Variants in AK5 observed in about 807,000 individuals in gnomAD.
AK5 encodes adenylate kinase 5, also known as adenylate kinase isoenzyme 5.
In AK5, 27 loss-of-function variants were observed where a neutral mutation model predicts 69.5. The observed-to-expected ratio is 0.39, with a 90% CI of 0.29 to 0.54. The LOEUF is 0.54. Among genes scored for constraint, AK5 ranks in the 20% least tolerant of loss-of-function variants. The probability of loss-of-function intolerance (pLI) is 0.71; values close to 1 mark genes in which losing one functional copy is unlikely to be tolerated. For synonymous variants in AK5, 260 were observed against 244.4 expected (o/e 1.06, Z -0.60); for missense variants, 531 against 700.4 (o/e 0.76, Z 2.73).
At chr1:77,501,649 T>C (rs561843063) in intron 10 of AK5, among the ~76,000 whole-genome samples, 5 of 152,370 alleles carry the variant, frequency 3.3e-5, no homozygotes, top group African/African-American at 1.2e-4. Context: ...CAGTTCATCA[T>C]TGAGCGAAAT....
chr1:77,416,879 G>A (rs917660996), intron 7 of AK5, among the ~76,000 whole-genome samples: 8 of 152,080 alleles, frequency 5.3e-5, no homozygotes, highest in Non-Finnish European at 4.4e-5. Flanking sequence ...CAGTCTTTCT[G>A]GGTAGTTAGA....
rs1647017983 is a variant in AK5 at position 77,367,845 on chromosome 1, A to ATATATAACATATG, written c.891+27278_891+27279insATATAACATATGT. On this transcript the variant is annotated intron_variant, in intron 6 of 13. Coordinates refer to ENST00000354567, the MANE Select transcript of AK5 (RefSeq NM_174858.3). ...ATTATATATAATATATGTTATATATATTATATATAATATATAATATATGTG... is the reference window on the plus strand; with the variant it reads ...ATTATATATAATATATGTTATATATATATATAACATATGTTATATATAATATATAATATATGTG... Among the ~76,000 whole-genome samples the ATATATAACATATG allele has an allele frequency of 1.2e-3, 2 of 1,716 alleles. 1 individual carries two copies. The highest frequency in any genetic ancestry group is 3.2e-3 in the African/African-American group (2 of 620). 1.1% of individuals were successfully genotyped at this position (1,716 alleles called of 152,430 possible). A position where few individuals can be genotyped will look rare whatever the true frequency, so the allele number is the denominator to read the frequency against.
chr1:77,307,942 G>A (rs935176784), intron 5 of AK5, among the ~76,000 whole-genome samples: 1 of 152,108 alleles, frequency 6.6e-6, no homozygotes, highest in Non-Finnish European at 1.5e-5. Context: ...CGTCAACTTG[G>A]TGTCTTTACA....
At chr1:77,505,198 T>C (rs1338888775) in intron 10 of AK5, among the ~76,000 whole-genome samples, 1 of 152,236 alleles carries the variant, frequency 6.6e-6, no homozygotes, top group African/African-American at 2.4e-5. Flanking sequence ...AATGTCTCAC[T>C]TCCCTTTACT....
chr1:77,428,946 G>A (rs1480865431), intron 8 of AK5, among the ~76,000 whole-genome samples: 1 of 152,148 alleles, frequency 6.6e-6, no homozygotes, highest in Non-Finnish European at 1.5e-5. Context: ...TCATTTTTAT[G>A]GCTGCATAGT....
In AK5 at chr1:77,558,603, T is replaced by C. The variant is rs758299862; in HGVS notation, c.1622T>C (p.Ile541Thr). The C allele has an allele frequency of 1.3e-6, 2 of 1,580,360 alleles. No homozygotes were observed. Among genetic ancestry groups the C allele is most frequent in the Non-Finnish European group, 8.7e-7 (1 of 1,150,124 alleles). Residue 541 changes from isoleucine to threonine, a missense_variant and splice_region_variant, in exon 14 of 14, where the codon ATA becomes ACA. By Grantham distance (89) the Ile-to-Thr change is moderately conservative. Transcript: ENST00000354567. ...CTCTTTTTTTCCTTTTAAATATAGATAAATGCAGAGGGAACACCAGAGGAC... is the reference window on the plus strand; with the variant it reads ...CTCTTTTTTTCCTTTTAAATATAGACAAATGCAGAGGGAACACCAGAGGAC... Reference protein sequence around the residue: ...YYETKTQLHKINAEGTPEDVF... With the variant: ...YYETKTQLHKTNAEGTPEDVF...
In AK5 at chr1:77,437,207, T is replaced by C. The variant is rs1216978014; in HGVS notation, c.1059+19492T>C. On this transcript the variant is annotated intron_variant, in intron 8 of 13. Transcript: ENST00000354567. ...TCAGGTGAACTTAAAAACTTTGAGG[T>C]GGCTATTATGTTTTTGATAACATAC... is the stretch of plus-strand genomic sequence containing the variant. 2.6e-5 allele frequency among the ~76,000 whole-genome samples: 4 copies of C among 152,138 alleles called. No homozygotes were observed. The East Asian group carries it at 5.8e-4, about 22-fold the overall frequency.
chr1:77,339,680 C>CT (rs1270066243), intron 5 of AK5, among the ~76,000 whole-genome samples: 1 of 136,322 alleles, frequency 7.3e-6, no homozygotes, highest in Admixed American at 8.0e-5. Flanking sequence ...GAGTCTTGCT[C>CT]TGTCACCCAG....
At chr1:77,479,290 C>T (rs916880016) in intron 8 of AK5, among the ~76,000 whole-genome samples, 10 of 150,984 alleles carry the variant, frequency 6.6e-5, no homozygotes, top group Admixed American at 3.3e-4. Flanking sequence ...CTGCAACCTC[C>T]GCCTCCCAGG....
At chr1:77,484,794 G>T (rs1655485381) in intron 9 of AK5, among the ~76,000 whole-genome samples, 1 of 152,044 alleles carries the variant, frequency 6.6e-6, no homozygotes, top group Non-Finnish European at 1.5e-5. Flanking sequence ...TTACATAGTT[G>T]AGAATGCATG....
At chr1:77,420,564 G>A (rs1426857866) in intron 8 of AK5, among the ~76,000 whole-genome samples, 1 of 152,182 alleles carries the variant, frequency 6.6e-6, no homozygotes, top group Admixed American at 6.5e-5. Context: ...AATAACTCAA[G>A]AAGTAAGCTC....
chr1:77,341,144 A>T (rs1218293684), intron 6 of AK5, among the ~76,000 whole-genome samples: 3 of 152,200 alleles, frequency 2.0e-5, no homozygotes, highest in Non-Finnish European at 4.4e-5. Flanking sequence ...CTAAATTTTT[A>T]GTTTGTTTTA....
chr1:77,499,595 C>A (rs1656577520), intron 10 of AK5, among the ~76,000 whole-genome samples: 1 of 152,060 alleles, frequency 6.6e-6, no homozygotes, highest in South Asian at 2.1e-4. Flanking sequence ...GAGCCACAAG[C>A]AGAACACCCT....
intron 10 of AK5, among the ~76,000 whole-genome samples, chr1:77,499,435 C>G (rs570641581): frequency 6.6e-6 from 1 of 152,304 alleles, no homozygotes; most frequent in Admixed American, 6.5e-5. Flanking sequence ...ATCCCTTCAA[C>G]TAGGAAGTGG....
intron 6 of AK5, among the ~76,000 whole-genome samples, chr1:77,378,611 G>A (rs1570469954): frequency 1.3e-5 from 2 of 152,290 alleles, no homozygotes; most frequent in South Asian, 2.1e-4. Context: ...ATAAGCCATC[G>A]CACCAGGCCA....
chr1:77,354,455 T>A (rs1466405651), intron 6 of AK5, among the ~76,000 whole-genome samples: 1 of 152,212 alleles, frequency 6.6e-6, no homozygotes, highest in East Asian at 1.9e-4. Context: ...TGTGTGTAAG[T>A]TGTAATGTGA....
At chr1:77,421,397 G>A (rs1650801944) in intron 8 of AK5, among the ~76,000 whole-genome samples, 1 of 152,158 alleles carries the variant, frequency 6.6e-6, no homozygotes, top group Non-Finnish European at 1.5e-5. Context: ...TGACTCCAGA[G>A]CCAGGCGCAG....
chr1:77,429,481 C>G lies in AK5; in HGVS notation c.1059+11766C>G, dbSNP rs143339616. Among the ~76,000 whole-genome samples the G allele has an allele frequency of 4.6e-3, 698 of 152,222 alleles. 5 individuals carry two copies. Among genetic ancestry groups the G allele is most frequent in the African/African-American group, 0.016 (663 of 41,526 alleles). On this transcript the variant is annotated intron_variant, in intron 8 of 13. Coordinates refer to ENST00000354567, the MANE Select transcript of AK5 (RefSeq NM_174858.3). Reference sequence around the variant, plus strand: ...TCTTGTAAATTCAATGTGCCAGACTCTATATGAGGTGCTGGGGATACATTG... The same window carrying G: ...TCTTGTAAATTCAATGTGCCAGACTGTATATGAGGTGCTGGGGATACATTG...
chr1:77,426,219 A>G (rs1437352366), intron 8 of AK5, among the ~76,000 whole-genome samples: 3 of 152,212 alleles, frequency 2.0e-5, no homozygotes, highest in Admixed American at 6.5e-5. Flanking sequence ...AGACCCCACT[A>G]TATGTTGTCT....
Sources: gnomAD v4.1 joint callset for allele counts (sites outside exome capture counted in the v4.1 genomes callset) on GRCh38, gnomAD v4.1.1 for gene constraint, MANE v1.5 for transcripts, NCBI Gene and HGNC (gene_info 2026-07-23, HGNC 2026-07-21) for gene names.